The following ICA1 variants were observed in gnomAD, a reference collection of about 807,000 sequenced individuals.
The protein encoded by ICA1 is islet cell autoantigen 1, also known as 69 kDa islet cell autoantigen.
ICA1 carries 40 observed loss-of-function variants against 71.0 expected under a neutral mutation model. The observed-to-expected ratio is 0.56, with a 90% confidence interval of 0.44 to 0.73. The LOEUF is 0.73. ICA1 is among the 30% of genes least tolerant of loss of function. ICA1 has a pLI of 0.00. For missense variants in ICA1, 578 were observed against 576.5 expected, an observed-to-expected ratio of 1.00 and a Z score of -0.03; for synonymous variants, 207 against 209.5, an observed-to-expected ratio of 0.99 and a Z score of 0.10.
chr7:8,241,905 G>C (rs1189497188), intron 1 of ICA1, among the ~76,000 whole-genome samples: 2 of 152,174 alleles, frequency 1.3e-5, no homozygotes, highest in Non-Finnish European at 2.9e-5. Flanking sequence ...AGAGCACCCA[G>C]ATTCATAAAG....
intron 6 of ICA1, among the ~76,000 whole-genome samples, chr7:8,185,708 T>G (rs1783686983): frequency 6.6e-6 from 1 of 152,244 alleles, no homozygotes; most frequent in Non-Finnish European, 1.5e-5. Flanking sequence ...GCTTCTGTGA[T>G]CTAGAACAAG....
At chr7:8,196,001 ACC>A (rs1480388433) in intron 6 of ICA1, among the ~76,000 whole-genome samples, 22 of 51,506 alleles carry the variant, frequency 4.3e-4, no homozygotes, top group Non-Finnish European at 1.5e-3. Flanking sequence ...CAACAACAAC[ACC>A]AACACCAACA....
intron 7 of ICA1, chr7:8,157,695 A>ATTCTC: frequency 7.1e-6 from 1 of 140,056 alleles, no homozygotes; most frequent in South Asian, 2.2e-4. Flanking sequence ...CCTAGTCTTA[A>ATTCTC]TTTTTTTTTT....
intron 9 of ICA1, among the ~76,000 whole-genome samples, chr7:8,143,040 G>A (rs1324508906): frequency 1.3e-5 from 2 of 152,176 alleles, no homozygotes; most frequent in African/African-American, 2.4e-5. Context: ...CCTGTTTTAC[G>A]ATAAGACTGT....
intron 6 of ICA1, among the ~76,000 whole-genome samples, chr7:8,193,763 C>T (rs938668553): frequency 3.2e-4 from 49 of 152,106 alleles, no homozygotes. Flanking sequence ...TTATACTTTG[C>T]CTGCTCCCAT....
intron 1 of ICA1, among the ~76,000 whole-genome samples, chr7:8,258,587 C>T (rs1453541729): frequency 3.9e-5 from 6 of 152,118 alleles, no homozygotes; most frequent in African/African-American, 1.4e-4. Context: ...ATTCATTTCA[C>T]GAAGAAGTTT....
At chr7:8,134,403 T>C (rs1267956917) in intron 12 of ICA1, among the ~76,000 whole-genome samples, 2 of 152,142 alleles carry the variant, frequency 1.3e-5, no homozygotes, top group African/African-American at 4.8e-5. Flanking sequence ...GACCTCAGCA[T>C]AAATTAGAAC....
chr7:8,151,833 G>C (rs751655919), intron 8 of ICA1, among the ~76,000 whole-genome samples: 1 of 151,900 alleles, frequency 6.6e-6, no homozygotes, highest in Non-Finnish European at 1.5e-5. Context: ...CTAGAATGAC[G>C]TTCCATCTAA....
At chr7:8,124,432 T>C (rs1008854770) in intron 13 of ICA1, among the ~76,000 whole-genome samples, 1 of 151,118 alleles carries the variant, frequency 6.6e-6, no homozygotes, top group African/African-American at 2.4e-5. Context: ...TATAGGTAGA[T>C]TTTCTAGGCC....
chr7:8,188,390 T>A (rs544979995), intron 6 of ICA1, among the ~76,000 whole-genome samples: 2 of 152,324 alleles, frequency 1.3e-5, no homozygotes, highest in South Asian at 4.1e-4. Context: ...TCCTCAAAAC[T>A]GCTCTTCCAT....
At position 8,143,860 on chromosome 7, in the gene ICA1, G is replaced by A; in HGVS notation, c.902+15C>T. The stretch of plus-strand genomic sequence containing the variant: ...GTGGGAAGAAAGATGCAGAGGGAAG[G>A]AACCTGTGACTTACTGGCTCGGCTC... On this transcript the variant is annotated intron_variant, in intron 9 of 13. Transcript: ENST00000402384. The A allele has an allele frequency of 6.5e-7, 1 of 1,542,228 alleles. No individual in the cohort carries two copies. Among genetic ancestry groups the A allele is most frequent in the East Asian group, 2.2e-5 (1 of 44,532 alleles).
chr7:8,176,129 T>C lies in ICA1; in HGVS notation c.580-17477A>G, dbSNP rs575419044. ...ATGCCAGGACTGGGGTTGGATGTTG[T>C]CTCCTCTTGTACGAAACACAAACTT... On this transcript the variant is annotated intron_variant, in intron 6 of 13. Coordinates refer to ENST00000402384, the MANE Select transcript of ICA1 (RefSeq NM_001136020.3). 3.9e-5 allele frequency among the ~76,000 whole-genome samples: 6 copies of C among 152,324 alleles called. No homozygotes were observed. The East Asian group carries it at 1.2e-3, about 29-fold the overall frequency.
At chr7:8,254,323 C>T (rs1809265875) in intron 1 of ICA1, among the ~76,000 whole-genome samples, 1 of 151,846 alleles carries the variant, frequency 6.6e-6, no homozygotes, top group South Asian at 2.1e-4. Context: ...TAAGCTGTGG[C>T]AGGTAAATCA....
chr7:8,166,410 A>G (rs772506928), intron 6 of ICA1, among the ~76,000 whole-genome samples: 1 of 152,236 alleles, frequency 6.6e-6, no homozygotes, highest in Non-Finnish European at 1.5e-5. Context: ...TCCATATTCA[A>G]TAAATGGTGC....
intron 1 of ICA1, among the ~76,000 whole-genome samples, chr7:8,261,521 C>T (rs998290492): frequency 4.6e-5 from 7 of 152,160 alleles, no homozygotes; most frequent in African/African-American, 7.2e-5. Flanking sequence ...AGCACCTCGC[C>T]CCCGGGGGAC....
At chr7:8,211,912 T>C (rs971038977) in intron 6 of ICA1, among the ~76,000 whole-genome samples, 4 of 152,270 alleles carry the variant, frequency 2.6e-5, no homozygotes, top group African/African-American at 7.2e-5. Context: ...AGTGAATGAA[T>C]AGGCATGGTC....
At chr7:8,262,231 G>C (rs1157552664), upstream of ICA1, 1 of 152,040 alleles carries the variant, frequency 6.6e-6, no homozygotes, top group Admixed American at 6.5e-5. Context: ...TGCGGCGGCC[G>C]CCACCAGCCG....
intron 6 of ICA1, among the ~76,000 whole-genome samples, chr7:8,202,876 A>C (rs1790213744): frequency 6.6e-6 from 1 of 152,192 alleles, no homozygotes; most frequent in Non-Finnish European, 1.5e-5. Flanking sequence ...CACCGCACGA[A>C]TGGGGGAAAA....
chr7:8,259,100 T>G (rs1230615302), intron 1 of ICA1, among the ~76,000 whole-genome samples: 1 of 152,234 alleles, frequency 6.6e-6, no homozygotes, highest in Non-Finnish European at 1.5e-5. Flanking sequence ...GAATCCACAC[T>G]TATTTTAACA....
Sources: gnomAD v4.1 joint callset for allele counts (sites outside exome capture counted in the v4.1 genomes callset) on GRCh38, gnomAD v4.1.1 for gene constraint, MANE v1.5 for transcripts, NCBI Gene and HGNC (gene_info 2026-07-23, HGNC 2026-07-21) for gene names.